The following RBM11 variants were observed in gnomAD, a reference collection of about 807,000 sequenced individuals.
The protein encoded by RBM11 is RNA binding motif protein 11, also known as splicing regulator RBM11.
In RBM11, 18 loss-of-function variants were observed where a neutral mutation model predicts 21.4. That is an observed-to-expected ratio of 0.84 (90% CI 0.58 to 1.25). RBM11 has a LOEUF of 1.25. RBM11 is among the 50% of genes most tolerant of loss of function. The pLI, the probability that RBM11 is intolerant of heterozygous loss-of-function variation, is 0.00. For missense variants in RBM11, 294 were observed against 331.9 expected, an observed-to-expected ratio of 0.89 and a Z score of 0.89; for synonymous variants, 120 against 116.3, an observed-to-expected ratio of 1.03 and a Z score of -0.20.
At chr21:14,221,193 CA>C (rs1978637901) in intron 3 of RBM11, 24 bp downstream of exon 3, 1 of 1,526,104 alleles carries the variant, frequency 6.6e-7, no homozygotes. Flanking sequence ...TATTTCTCAT[CA>C]AAGGTAAAGC....
At position 14,219,554 on chromosome 21, in the gene RBM11, T is replaced by G. The variant is rs1308546940; in HGVS notation, c.97-9T>G. 1 of 1,463,468 alleles carries G rather than the reference T, an allele frequency of 6.8e-7. No homozygotes were observed. Among genetic ancestry groups the G allele is most frequent in the South Asian group, 1.4e-5 (1 of 70,026 alleles). The allele number at this position is 1,463,468 out of a possible 1,614,324, so 90.7% of individuals were successfully genotyped here. A position where few individuals can be genotyped will look rare whatever the true frequency, so the allele number is the denominator to read the frequency against. On this transcript the variant is annotated splice_polypyrimidine_tract_variant and intron_variant, in intron 1 of 4. Coordinates refer to ENST00000400577, the MANE Select transcript of RBM11 (RefSeq NM_144770.5). ...ATTTATGAGAAAATAATTTTTAAGT[T>G]TCTTATAGGCGGGGCCACTAACCAA...
rs1979260415 is a variant in RBM11, at chr21:14,228,083, A to G, written c.*790A>G. On this transcript the variant is annotated 3_prime_UTR_variant, in exon 5 of 5. Coordinates refer to ENST00000400577, the MANE Select transcript of RBM11 (RefSeq NM_144770.5). Reference sequence around the variant, plus strand: ...GAGCAAGTAAATAGAATAATATTTTATTAATGTATGATATGTAATACTTAT... The same window carrying G: ...GAGCAAGTAAATAGAATAATATTTTGTTAATGTATGATATGTAATACTTAT... 6.6e-6 allele frequency: 1 copy of G among 152,200 alleles called. No homozygotes were observed. The highest frequency in any genetic ancestry group is 1.5e-5 in the Non-Finnish European group (1 of 68,026). 9.4% of individuals were successfully genotyped at this position (152,200 alleles called of 1,614,324 possible).
chr21:14,226,816 C>G, intron 4 of RBM11, 64 bp from the exon 5 acceptor site: 1 of 1,542,790 alleles, frequency 6.5e-7, no homozygotes, highest in Non-Finnish European at 8.7e-7. Flanking sequence ...TACATGTAAA[C>G]TGTTAATTTT....
At chr21:14,225,799 T>C (rs1249559711) in intron 4 of RBM11, among the ~76,000 whole-genome samples, 1 of 152,124 alleles carries the variant, frequency 6.6e-6, no homozygotes, top group East Asian at 1.9e-4. Context: ...GTTCATGGTA[T>C]CTCTATTAAT....
At chr21:14,217,254 G>A (rs1355739526) in intron 1 of RBM11, among the ~76,000 whole-genome samples, 1 of 152,134 alleles carries the variant, frequency 6.6e-6, no homozygotes, top group African/African-American at 2.4e-5. Flanking sequence ...TGGCCTAATG[G>A]TAAAATGGCT....
intron 1 of RBM11, 80 bp downstream of exon 1, chr21:14,216,362 C>T (rs992186595): frequency 1.5e-5 from 18 of 1,196,700 alleles, no homozygotes; most frequent in Admixed American, 2.0e-5. Flanking sequence ...CCACCCGGAG[C>T]CCGGCCCCCT....
In RBM11 at chr21:14,219,513, T is replaced by TA. The variant is rs780243046; in HGVS notation, c.97-42dup. The TA allele has an allele frequency of 3.6e-5, 48 of 1,340,664 alleles. 1 individual carries two copies. The highest frequency in any genetic ancestry group is 2.7e-4 in the African/African-American group (18 of 67,894). The allele number at this position is 1,340,664 out of a possible 1,614,324, so 83.0% of individuals were successfully genotyped here. On this transcript the variant is annotated intron_variant, in intron 1 of 4. Transcript: ENST00000400577. ...AAAGTTGAATTTACTTATTTGAGTATAAAAAAAATCTTTGGATTTATGAGA... is the reference window on the plus strand; with the variant it reads ...AAAGTTGAATTTACTTATTTGAGTATAAAAAAAAATCTTTGGATTTATGAGA...
At chr21:14,217,785 C>T (rs753521389) in intron 1 of RBM11, among the ~76,000 whole-genome samples, 11 of 151,938 alleles carry the variant, frequency 7.2e-5, no homozygotes, top group Non-Finnish European at 1.0e-4. Flanking sequence ...TTATTTTTCT[C>T]CAGAAGACTT....
At chr21:14,219,797 G>T in intron 2 of RBM11, 72 bp downstream of exon 2, 2 of 1,344,524 alleles carry the variant, frequency 1.5e-6, no homozygotes, top group Non-Finnish European at 2.0e-6. Context: ...TAAGCAATTT[G>T]TTTCCTATGT....
At chr21:14,221,400 A>G (rs922617112) in intron 3 of RBM11, 9 of 387,202 alleles carry the variant, frequency 2.3e-5, no homozygotes, top group African/African-American at 1.5e-4. Flanking sequence ...GTAGTTTTTT[A>G]TAGTTTTCTA....
At chr21:14,224,359 A>T in intron 3 of RBM11, 79 bp from the exon 4 acceptor site, 1 of 1,487,110 alleles carries the variant, frequency 6.7e-7, no homozygotes, top group Non-Finnish European at 8.9e-7. Flanking sequence ...GAGGAAAGAT[A>T]GTGGTTTTTC....
chr21:14,224,843 C>T (rs910619782), intron 4 of RBM11, among the ~76,000 whole-genome samples: 1 of 152,162 alleles, frequency 6.6e-6, no homozygotes, highest in Non-Finnish European at 1.5e-5. Flanking sequence ...TTGCAGTGGC[C>T]AGACATGGTG....
chr21:14,226,524 C>G (rs1308830513), intron 4 of RBM11, among the ~76,000 whole-genome samples: 1 of 150,806 alleles, frequency 6.6e-6, no homozygotes, highest in East Asian at 2.0e-4. Context: ...GAGGCCGAGA[C>G]AGGAGAATTG....
In RBM11 at chr21:14,227,850, GATA is replaced by G. The variant is rs1044144276; in HGVS notation, c.*560_*562del. On this transcript the variant is annotated 3_prime_UTR_variant, in exon 5 of 5. Coordinates refer to ENST00000400577, the MANE Select transcript of RBM11 (RefSeq NM_144770.5). ...TTTATTTTATAAAGTGAGGACATAT[GATA>G]ATGATACCAAAGGAAAGATAATTAT... 2.6e-5 allele frequency: 4 copies of G among 152,516 alleles called. No individual in the cohort carries two copies. The highest frequency in any genetic ancestry group is 7.2e-5 in the African/African-American group (3 of 41,554). 9.4% of individuals were successfully genotyped at this position (152,516 alleles called of 1,614,324 possible).
chr21:14,216,375 C>A, intron 1 of RBM11, 93 bp downstream of exon 1: 2 of 1,015,268 alleles, frequency 2.0e-6, no homozygotes, highest in African/African-American at 1.6e-5. Flanking sequence ...GGCCCCCTTC[C>A]GTCCCATCCT....
intron 3 of RBM11, among the ~76,000 whole-genome samples, chr21:14,223,767 A>G (rs1300461971): frequency 3.3e-5 from 5 of 152,178 alleles, no homozygotes; most frequent in Admixed American, 6.5e-5. Context: ...CCTCATGTAT[A>G]TTTTAATTCA....
intron 1 of RBM11, among the ~76,000 whole-genome samples, chr21:14,217,230 G>A (rs958289079): frequency 8.5e-5 from 13 of 152,114 alleles, no homozygotes; most frequent in Admixed American, 5.9e-4. Context: ...GTATAATGTG[G>A]CTATCGGAAT....
intron 2 of RBM11, 132 bp from the exon 3 acceptor site, chr21:14,220,965 A>G (rs430245): frequency 0.2 from 163,448 of 807,724 alleles, 17,867 homozygotes; most frequent in African/African-American, 0.37. Flanking sequence ...AGATATGCAT[A>G]TATCTTCTCT....
chr21:14,221,233 T>G, intron 3 of RBM11, 64 bp downstream of exon 3: 1 of 1,480,746 alleles, frequency 6.8e-7, no homozygotes, highest in Non-Finnish European at 8.9e-7. Flanking sequence ...AGAGGAGTTT[T>G]TATATATTTT....
Sources: allele counts gnomAD v4.1 joint callset (sites outside exome capture counted in the v4.1 genomes callset), GRCh38; gene constraint gnomAD v4.1.1; transcripts MANE v1.5; gene names NCBI Gene and HGNC (gene_info 2026-07-23, HGNC 2026-07-21).